Variants in ACOXL observed in about 807,000 individuals in gnomAD.
ACOXL encodes the protein acyl-CoA oxidase like, also known as acyl-coenzyme A oxidase-like protein.
Under a neutral mutation model 71.9 loss-of-function variants are expected in ACOXL, and 70 were observed. That is an observed-to-expected ratio of 0.97 (90% CI 0.80 to 1.19). ACOXL has a LOEUF of 1.19. Ranked by LOEUF, ACOXL falls within the 50% of genes most tolerant of loss-of-function variation. The pLI is 0.00. For missense variants in ACOXL, 703 were observed against 736.3 expected (o/e 0.95, Z 0.52); for synonymous variants, 253 against 281.6 (o/e 0.90, Z 1.02).
intron 7 of ACOXL, among the ~76,000 whole-genome samples, chr2:110,800,878 C>T (rs1177957042): frequency 6.6e-6 from 1 of 152,146 alleles, no homozygotes; most frequent in African/African-American, 2.4e-5. Context: ...GTAGACTGAG[C>T]TCTGTGAAGT....
intron 14 of ACOXL, among the ~76,000 whole-genome samples, chr2:111,010,359 A>G (rs143737011): frequency 2.2e-4 from 33 of 152,254 alleles, no homozygotes; most frequent in African/African-American, 7.9e-4. Flanking sequence ...ACACTGGGCA[A>G]AAAGAGAAAA....
At chr2:111,114,719 A>C (rs1275382067) in intron 17 of ACOXL, among the ~76,000 whole-genome samples, 1 of 152,060 alleles carries the variant, frequency 6.6e-6, no homozygotes, top group East Asian at 1.9e-4. Context: ...TGTTCAGAGG[A>C]CTGCAAAGCT....
intron 11 of ACOXL, among the ~76,000 whole-genome samples, chr2:110,909,865 A>G (rs2059589273): frequency 6.6e-6 from 1 of 151,716 alleles, no homozygotes; most frequent in Non-Finnish European, 1.5e-5. Flanking sequence ...GTGCAAGGAC[A>G]CTGAACCCTG....
chr2:110,968,627 A>G, intron 12 of ACOXL: 2 of 915,540 alleles, frequency 2.2e-6, no homozygotes, highest in Non-Finnish European at 3.3e-6. Flanking sequence ...GAAGAGGTGG[A>G]ACTGTCCCAA....
Position 110,738,131 on chromosome 2 carries a change from T to A in ACOXL, c.-23+5357T>A, listed in dbSNP as rs949977196. On this transcript the variant is annotated intron_variant, in intron 1 of 17. Transcript: ENST00000439055. ...TGTGGCTGCCATTGCTATGAGGAAG[T>A]CCAAGCTGATGCCTGTTGAGAGGCT... 4.6e-5 allele frequency among the ~76,000 whole-genome samples: 7 copies of A among 152,148 alleles called. No homozygotes were observed. In the East Asian group the frequency reaches 1.3e-3, roughly 29 times the overall value.
intron 16 of ACOXL, among the ~76,000 whole-genome samples, chr2:111,091,434 A>T (rs2068516935): frequency 6.6e-6 from 1 of 152,208 alleles, no homozygotes; most frequent in African/African-American, 2.4e-5. Context: ...CACTGATCTT[A>T]TATTTTTGTA....
At chr2:111,047,404 C>T (rs1379272370) in intron 15 of ACOXL, among the ~76,000 whole-genome samples, 1 of 152,160 alleles carries the variant, frequency 6.6e-6, no homozygotes, top group African/African-American at 2.4e-5. Context: ...TAAGTTACAG[C>T]ATAAACCTTT....
At chr2:110,882,566 G>A (rs1307984866) in intron 10 of ACOXL, among the ~76,000 whole-genome samples, 1 of 152,118 alleles carries the variant, frequency 6.6e-6, no homozygotes, top group Non-Finnish European at 1.5e-5. Context: ...AAGCCACAAA[G>A]ATTATCTTTT....
chr2:111,020,720 T>C (rs1010994663), intron 14 of ACOXL, among the ~76,000 whole-genome samples: 1 of 152,188 alleles, frequency 6.6e-6, no homozygotes, highest in African/African-American at 2.4e-5. Flanking sequence ...TTGTGAACAA[T>C]GATGTGGGCT....
chr2:110,741,684 C>T (rs1314141191), intron 1 of ACOXL, among the ~76,000 whole-genome samples: 1 of 152,198 alleles, frequency 6.6e-6, no homozygotes, highest in Non-Finnish European at 1.5e-5. Flanking sequence ...CATCGAGTAA[C>T]ATCTCAGAGA....
At chr2:111,043,985 T>C (rs2065902551) in intron 15 of ACOXL, among the ~76,000 whole-genome samples, 2 of 152,132 alleles carry the variant, frequency 1.3e-5, no homozygotes, top group Non-Finnish European at 2.9e-5. Context: ...AGCCTGCCCC[T>C]CCTATGTGGG....
At chr2:111,014,875 G>A (rs1224539890) in intron 14 of ACOXL, among the ~76,000 whole-genome samples, 1 of 152,150 alleles carries the variant, frequency 6.6e-6, no homozygotes, top group Non-Finnish European at 1.5e-5. Context: ...ATGATGAAAA[G>A]AATTTTTTAA....
intron 13 of ACOXL, among the ~76,000 whole-genome samples, chr2:110,987,507 A>C (rs1033037648): frequency 6.6e-6 from 1 of 152,140 alleles, no homozygotes; most frequent in Non-Finnish European, 1.5e-5. Context: ...TCTTATTTCC[A>C]TTTCACAGAT....
rs561040696 is a variant in ACOXL, at chr2:110,959,277, G to A, written c.1059+25635G>A. On this transcript the variant is annotated intron_variant, in intron 12 of 17. Transcript: ENST00000439055. ...CACCATGAACCCCAGGCGGGAGGCT[G>A]TCGGCTCTTGGCCCAGCTCCCCTGG... 5.3e-5 allele frequency among the ~76,000 whole-genome samples: 8 copies of A among 152,244 alleles called. No individual in the cohort carries two copies. In the South Asian group the frequency reaches 1.5e-3, roughly 28 times the overall value.
chr2:111,056,576 C>T (rs986453413), intron 16 of ACOXL, among the ~76,000 whole-genome samples: 2 of 151,940 alleles, frequency 1.3e-5, no homozygotes, highest in African/African-American at 2.4e-5. Flanking sequence ...ATCATGAGGT[C>T]AGGAGATAGA....
At chr2:110,818,166 G>A (rs928709287) in intron 9 of ACOXL, among the ~76,000 whole-genome samples, 3 of 151,682 alleles carry the variant, frequency 2.0e-5, no homozygotes, top group Admixed American at 1.3e-4. Context: ...AGGTCAAGTC[G>A]GGGGGATCAC....
chr2:110,912,233 C>T (rs151137648), intron 11 of ACOXL, among the ~76,000 whole-genome samples: 60 of 152,064 alleles, frequency 3.9e-4, no homozygotes, highest in African/African-American at 1.4e-3. Context: ...TATCAAAATC[C>T]CAGAAACCTG....
intron 17 of ACOXL, among the ~76,000 whole-genome samples, chr2:111,102,888 C>A: frequency 6.6e-6 from 1 of 152,072 alleles, no homozygotes; most frequent in East Asian, 1.9e-4. Flanking sequence ...GGTAAGTTAC[C>A]TTTTCCCTTT....
chr2:111,013,495 C>T (rs2064265025), intron 14 of ACOXL, among the ~76,000 whole-genome samples: 1 of 138,356 alleles, frequency 7.2e-6, no homozygotes. Flanking sequence ...TGCACTCCAG[C>T]CTGGGTGACA....
Sources: allele counts gnomAD v4.1 joint callset (sites outside exome capture counted in the v4.1 genomes callset), GRCh38; gene constraint gnomAD v4.1.1; transcripts MANE v1.5; gene names NCBI Gene and HGNC (gene_info 2026-07-23, HGNC 2026-07-21).